DNM3: variants seen among roughly 807,000 people sequenced by gnomAD.
DNM3 encodes dynamin 3, also known as dynamin-3.
DNM3 carries 47 observed loss-of-function variants against 101.6 expected under a neutral mutation model. The observed-to-expected ratio is 0.46, with a 90% CI of 0.37 to 0.59. DNM3 has a LOEUF of 0.59. Ranked by LOEUF, DNM3 falls within the 20% of genes least tolerant of loss-of-function variation. The pLI is 0.00. For synonymous variants in DNM3, 385 were observed against 387.9 expected, an observed-to-expected ratio of 0.99 and a Z score of 0.09; for missense variants, 849 against 1,085.7, an observed-to-expected ratio of 0.78 and a Z score of 3.06.
intron 6 of DNM3, 80 bp downstream of exon 6, chr1:172,033,345 G>C: frequency 7.1e-7 from 1 of 1,417,510 alleles, no homozygotes; most frequent in South Asian, 1.5e-5. Context: ...TTATTTTTAA[G>C]TTTATTTTTT....
chr1:171,960,555 G>T (rs925410420), intron 2 of DNM3, among the ~76,000 whole-genome samples: 6 of 152,110 alleles, frequency 3.9e-5, no homozygotes, highest in African/African-American at 1.4e-4. Context: ...CATCATGAAT[G>T]GATTAATACC....
intron 2 of DNM3, among the ~76,000 whole-genome samples, chr1:171,949,749 T>G (rs1217324615): frequency 6.6e-6 from 1 of 152,156 alleles, no homozygotes; most frequent in African/African-American, 2.4e-5. Flanking sequence ...CCTATTAGTA[T>G]GTCTAAAATT....
intron 20 of DNM3, among the ~76,000 whole-genome samples, chr1:172,395,695 G>A (rs1365793464): frequency 6.6e-6 from 1 of 152,146 alleles, no homozygotes; most frequent in Non-Finnish European, 1.5e-5. Flanking sequence ...TAAAACACTC[G>A]ACATTGAAAT....
chr1:172,154,450 T>C (rs180780083), intron 14 of DNM3, among the ~76,000 whole-genome samples: 9 of 152,184 alleles, frequency 5.9e-5, no homozygotes, highest in African/African-American at 1.9e-4. Flanking sequence ...ACGGAGTAGT[T>C]TATTTAGATG....
intron 17 of DNM3, 147 bp downstream of exon 17, chr1:172,323,487 A>G: frequency 2.1e-6 from 2 of 937,434 alleles, no homozygotes; most frequent in East Asian, 2.7e-5. Context: ...AATTTGGGGG[A>G]AAATGTGCAT....
intron 17 of DNM3, among the ~76,000 whole-genome samples, chr1:172,365,353 A>G (rs1467472511): frequency 2.0e-5 from 3 of 151,930 alleles, no homozygotes; most frequent in Admixed American, 2.0e-4. Context: ...TTGAGTAACG[A>G]GAGATTAATT....
At chr1:172,355,839 A>G (rs2067428184) in intron 17 of DNM3, among the ~76,000 whole-genome samples, 1 of 152,156 alleles carries the variant, frequency 6.6e-6, no homozygotes, top group South Asian at 2.1e-4. Flanking sequence ...GAGAATGACT[A>G]AAATGTTTCC....
chr1:172,022,425 G>A (rs1276003362), intron 4 of DNM3, among the ~76,000 whole-genome samples: 5 of 152,028 alleles, frequency 3.3e-5, no homozygotes, highest in Admixed American at 6.6e-5. Flanking sequence ...GCCTATTTGT[G>A]TAACTTAATA....
chr1:172,409,589 C>A lies in DNM3; in HGVS notation c.*1748C>A. The A allele has an allele frequency of 4.1e-6, 4 of 985,350 alleles. No individual in the cohort carries two copies. The South Asian group carries it at 1.9e-4, about 46-fold the overall frequency. 61.0% of individuals were successfully genotyped at this position (985,350 alleles called of 1,614,324 possible). A position where few individuals can be genotyped will look rare whatever the true frequency, so the allele number is the denominator to read the frequency against. ...CTCGTATCTCACCCCAAACCCCAAACTGGGGGAAAAAAAGTTAACTCTTTG... is the reference window on the plus strand; with the variant it reads ...CTCGTATCTCACCCCAAACCCCAAAATGGGGGAAAAAAAGTTAACTCTTTG... On this transcript the variant is annotated 3_prime_UTR_variant, in exon 21 of 21. Transcript: ENST00000627582.
At position 172,393,120 on chromosome 1, in the gene DNM3, T is replaced by G. The variant is rs1257570161; in HGVS notation, c.2522+4311T>G. On this transcript the variant is annotated intron_variant, in intron 20 of 20. Coordinates refer to ENST00000627582, the MANE Select transcript of DNM3 (RefSeq NM_015569.5). Reference sequence around the variant, plus strand: ...CATTGTAATCCCACATTTTCAGTAATTTATTACAAATCGACCATGCCAAAA... The same window carrying G: ...CATTGTAATCCCACATTTTCAGTAAGTTATTACAAATCGACCATGCCAAAA... The G allele has an allele frequency of 2.0e-5, 3 of 152,220 alleles. No individual in the cohort carries two copies. In the East Asian group the frequency reaches 5.8e-4, roughly 29 times the overall value. 9.4% of individuals were successfully genotyped at this position (152,220 alleles called of 1,614,324 possible).
At chr1:172,194,393 G>A (rs547904522) in intron 14 of DNM3, among the ~76,000 whole-genome samples, 8 of 152,030 alleles carry the variant, frequency 5.3e-5, no homozygotes, top group Admixed American at 2.6e-4. Flanking sequence ...GGTGCAGAGC[G>A]GAGTTCAATT....
chr1:172,256,169 C>T lies in DNM3; in HGVS notation c.1769+2487C>T, dbSNP rs115446166. ...TGAGTTAGATTGGCCCATAAATTTC[C>T]TTTTTATATTATTTCTGCCTGGTTT... is the stretch of plus-strand genomic sequence containing the variant. On this transcript the variant is annotated intron_variant, in intron 15 of 20. Coordinates refer to ENST00000627582, the MANE Select transcript of DNM3 (RefSeq NM_015569.5). Among the ~76,000 whole-genome samples the T allele has an allele frequency of 4.7e-3, 712 of 152,016 alleles. 2 individuals are homozygous for T. Among genetic ancestry groups the T allele is most frequent in the African/African-American group, 0.016 (673 of 41,472 alleles).
At chr1:172,219,919 G>GAA (rs34298791) in intron 14 of DNM3, among the ~76,000 whole-genome samples, 35,771 of 151,956 alleles carry the variant, frequency 0.24, 4,264 homozygotes, top group African/African-American at 0.29. Flanking sequence ...AAGACCCTGA[G>GAA]AAAATACACA....
At chr1:172,341,981 G>T (rs2148960591) in intron 17 of DNM3, among the ~76,000 whole-genome samples, 1 of 152,096 alleles carries the variant, frequency 6.6e-6, no homozygotes, top group South Asian at 2.1e-4. Context: ...GATACATCCA[G>T]CCAATAAGCA....
In DNM3 at chr1:172,174,105, T is replaced by G. The variant is rs573670821; in HGVS notation, c.1659+42817T>G. 4.0e-5 allele frequency among the ~76,000 whole-genome samples: 6 copies of G among 151,714 alleles called. No homozygotes were observed. The South Asian group carries it at 1.2e-3, about 31-fold the overall frequency. Reference sequence around the variant, plus strand: ...ATAAGAAAAACTAGCTCTGTTGATTTCATTGACTAGAAATATAAATTATGT... The same window carrying G: ...ATAAGAAAAACTAGCTCTGTTGATTGCATTGACTAGAAATATAAATTATGT... On this transcript the variant is annotated intron_variant, in intron 14 of 20. Coordinates refer to ENST00000627582, the MANE Select transcript of DNM3 (RefSeq NM_015569.5).
At chr1:171,842,004 G>A (rs1189765132) in intron 1 of DNM3, among the ~76,000 whole-genome samples, 187 bp downstream of exon 1, 2 of 152,078 alleles carry the variant, frequency 1.3e-5, no homozygotes, top group Admixed American at 6.5e-5. Flanking sequence ...CCAGCTCTGG[G>A]CATCCTCCGT....
At chr1:172,304,213 A>AG (rs1368761285) in intron 15 of DNM3, among the ~76,000 whole-genome samples, 2 of 133,510 alleles carry the variant, frequency 1.5e-5, no homozygotes, top group Non-Finnish European at 3.1e-5. Context: ...AAGCAAAAAA[A>AG]AAAAAAAAAC....
At position 172,325,041 on chromosome 1, in the gene DNM3, A is replaced by G. The variant is rs190624503; in HGVS notation, c.1893+1701A>G. On this transcript the variant is annotated intron_variant, in intron 17 of 20. Coordinates refer to ENST00000627582, the MANE Select transcript of DNM3 (RefSeq NM_015569.5). ...CATTTGTAAAATTCACTCCCCACAC[A>G]CACACCAAGAAGAAACCCACTTCTC... Among the ~76,000 whole-genome samples the G allele has an allele frequency of 1.4e-3, 216 of 152,276 alleles. 2 individuals carry two copies. The South Asian group carries it at 0.022, about 16-fold the overall frequency.
intron 17 of DNM3, among the ~76,000 whole-genome samples, chr1:172,331,539 A>T (rs2066183404): frequency 6.6e-6 from 1 of 152,138 alleles, no homozygotes; most frequent in Non-Finnish European, 1.5e-5. Context: ...ATTTCTTTTG[A>T]TTTCAGCCAT....
Sources: allele counts gnomAD v4.1 joint callset (sites outside exome capture counted in the v4.1 genomes callset), GRCh38; gene constraint gnomAD v4.1.1; transcripts MANE v1.5; gene names NCBI Gene and HGNC (gene_info 2026-07-23, HGNC 2026-07-21).